The following SAP130 variants were observed in gnomAD, a reference collection of about 807,000 sequenced individuals.
SAP130 encodes the protein Sin3A associated protein 130.
SAP130 carries 16 observed loss-of-function variants against 103.2 expected under a neutral mutation model. The ratio of observed to expected loss-of-function variants is 0.16; its 90% confidence interval spans 0.10 to 0.24. The LOEUF (loss-of-function observed/expected upper bound fraction) is 0.24, where lower values mean the gene tolerates loss of function less well. Ranked by LOEUF, SAP130 falls within the 10% of genes least tolerant of loss-of-function variation. The pLI, the probability that SAP130 is intolerant of heterozygous loss-of-function variation, is 1.00. For synonymous variants in SAP130, 477 were observed against 497.0 expected (o/e 0.96, Z 0.53); for missense variants, 990 against 1,359.7 (o/e 0.73, Z 4.28).
chr2:127,954,668 TTTTCTTAATACTAC>T (rs1389534698), intron 16 of SAP130, among the ~76,000 whole-genome samples: 18 of 152,330 alleles, frequency 1.2e-4, no homozygotes, highest in African/African-American at 4.1e-4. Flanking sequence ...CATAGTAGTA[TTTTCTTAATACTAC>T]TTTCTTAATA....
At chr2:128,008,579 G>A (rs1684147222) in intron 7 of SAP130, among the ~76,000 whole-genome samples, 1 of 149,554 alleles carries the variant, frequency 6.7e-6, no homozygotes, top group African/African-American at 2.5e-5. Context: ...GTATGTTGCT[G>A]GGGCTGGTCT....
In SAP130 at chr2:127,951,677, G is replaced by A. The variant is rs1213752796; in HGVS notation, c.2423-1269C>T. ...GCTTTACTGTGCTCATTTAGCAAAA[G>A]GCCAAGAGGTTAAATCCTGTTCTCC... is the stretch of plus-strand genomic sequence containing the variant. On this transcript the variant is annotated intron_variant, in intron 16 of 20. Transcript: ENST00000643581. Among the ~76,000 whole-genome samples the A allele has an allele frequency of 6.6e-5, 10 of 152,212 alleles. No homozygotes were observed. The East Asian group carries it at 1.2e-3, about 18-fold the overall frequency.
In SAP130 at chr2:127,953,008, C is replaced by A. The variant is rs1679597489; in HGVS notation, c.2422+1978G>T. On this transcript the variant is annotated intron_variant, in intron 16 of 20. Coordinates refer to ENST00000643581, the MANE Select transcript of SAP130 (RefSeq NM_001330301.2). This position sits in a 1 kb window ranked among gnomAD's most constrained non-coding sequence, Gnocchi z 4.0. ...ACTCCCAAATTTGTATCTGCAACTT[C>A]ATTTTCTATTCCAAAAGCCAGCCTC... Among the ~76,000 whole-genome samples the A allele has an allele frequency of 6.6e-6, 1 of 152,218 alleles. No homozygotes were observed. The highest frequency in any genetic ancestry group is 2.1e-4 in the South Asian group (1 of 4,834).
At position 127,999,777 on chromosome 2, in the gene SAP130, G is replaced by A; in HGVS notation, c.1177C>T (p.His393Tyr). 2.0e-6 allele frequency: 3 copies of A among 1,531,966 alleles called. No homozygotes were observed. Among genetic ancestry groups the A allele is most frequent in the Non-Finnish European group, 2.6e-6 (3 of 1,142,936 alleles). 94.9% of individuals were successfully genotyped at this position (1,531,966 alleles called of 1,614,324 possible). A position where few individuals can be genotyped will look rare whatever the true frequency, so the allele number is the denominator to read the frequency against. The change falls in exon 10 of 21, where the codon CAT becomes TAT. Residue 393 changes from histidine to tyrosine, a missense_variant. By Grantham distance (83) the His-to-Tyr change is moderately conservative. Transcript: ENST00000643581. ...TTTGAGGTGGTCACAGCAGTAGCAT[G>A]GGAGGAATGGGAGGGTACTGTCATG... ...VTMTVPSHSS[H>Y]ATAVTTSNIP...
intron 15 of SAP130, among the ~76,000 whole-genome samples, chr2:127,967,675 C>T (rs1177912007): frequency 3.3e-5 from 5 of 152,160 alleles, no homozygotes; most frequent in African/African-American, 4.8e-5. Context: ...GGATTACAGG[C>T]GTGAGCCACT....
At position 127,953,361 on chromosome 2, in the gene SAP130, T is replaced by C. The variant is rs1016947638; in HGVS notation, c.2422+1625A>G. Among the ~76,000 whole-genome samples the C allele has an allele frequency of 1.3e-5, 2 of 152,238 alleles. No individual in the cohort carries two copies. The highest frequency in any genetic ancestry group is 1.5e-5 in the Non-Finnish European group (1 of 68,036). On this transcript the variant is annotated intron_variant, in intron 16 of 20. Coordinates refer to ENST00000643581, the MANE Select transcript of SAP130 (RefSeq NM_001330301.2). The surrounding 1 kb of genome is among the most constrained non-coding windows in gnomAD (Gnocchi z 4.0). The stretch of plus-strand genomic sequence containing the variant: ...AGCCTTCATTGCTCCTGGCAATTAA[T>C]GCAACAGCCGCTTGACAGGTCTCCC...
chr2:128,027,644 C>T (rs1475159455), intron 1 of SAP130, among the ~76,000 whole-genome samples: 1 of 147,388 alleles, frequency 6.8e-6, no homozygotes, highest in African/African-American at 2.5e-5. Context: ...CCCGCCCGCC[C>T]GCGCTCCCCC....
At chr2:128,002,948 G>A (rs559230403) in intron 7 of SAP130, among the ~76,000 whole-genome samples, 40 of 152,062 alleles carry the variant, frequency 2.6e-4, no homozygotes, top group African/African-American at 9.2e-4. Flanking sequence ...GCAACATGGC[G>A]AAATTCCACC....
At position 128,000,308 on chromosome 2, in the gene SAP130, T is replaced by A. The variant is rs369502523; in HGVS notation, c.1016A>T (p.Gln339Leu). The A allele has an allele frequency of 4.3e-6, 7 of 1,614,240 alleles. No individual in the cohort carries two copies. The highest frequency in any genetic ancestry group is 5.9e-6 in the Non-Finnish European group (7 of 1,180,030). The change falls in exon 8 of 21, where the codon CAG (glutamine) becomes CTG (leucine). Residue 339 changes from glutamine (Q) to leucine (L), a missense_variant and splice_region_variant. Physicochemically the swap from Gln to Leu is moderately radical, Grantham distance 113. This residue lies in a region of SAP130 where 336 missense variants were observed against 520.1 expected (regional missense o/e 0.65). Coordinates refer to ENST00000643581, the MANE Select transcript of SAP130 (RefSeq NM_001330301.2). ...GTGGTTCTCCACTTTTGGTTTTACC[T>A]GAGCCATTGTATGAAGCTGCTGTTT... Reference protein sequence around the residue: ...TPKQQLHTMAQKTIFSTGTPV... With the variant: ...TPKQQLHTMALKTIFSTGTPV...
At chr2:127,944,961 A>G (rs986350511) in intron 19 of SAP130, among the ~76,000 whole-genome samples, 2 of 151,604 alleles carry the variant, frequency 1.3e-5, no homozygotes, top group African/African-American at 4.9e-5. Context: ...CCGGTCTCTG[A>G]ATGATGATGT....
In SAP130 at chr2:127,984,855, T is replaced by C. The variant is rs1250958818; in HGVS notation, c.1958+1930A>G. Among the ~76,000 whole-genome samples, 5 of 152,360 alleles carry C rather than the reference T, an allele frequency of 3.3e-5. No homozygotes were observed. The South Asian group carries it at 8.3e-4, about 25-fold the overall frequency. On this transcript the variant is annotated intron_variant, in intron 14 of 20. Transcript: ENST00000643581. The stretch of plus-strand genomic sequence containing the variant: ...AGTCGGGAAGGGGCAGTACACCACA[T>C]GGCATAGGTAGAAAATGGGATTCTG...
At chr2:128,001,587 G>T (rs191634040) in intron 7 of SAP130, among the ~76,000 whole-genome samples, 1 of 152,204 alleles carries the variant, frequency 6.6e-6, no homozygotes, top group Admixed American at 6.5e-5. Flanking sequence ...TATTTTTACT[G>T]TACCTTTTCT....
At chr2:128,014,516 T>C (rs1437413995) in intron 5 of SAP130, among the ~76,000 whole-genome samples, 1 of 152,206 alleles carries the variant, frequency 6.6e-6, no homozygotes, top group Non-Finnish European at 1.5e-5. Flanking sequence ...TTTTGTATTT[T>C]TGTAGAGACA....
At chr2:127,945,806 T>G (rs1679036763) in intron 18 of SAP130, among the ~76,000 whole-genome samples, 1 of 152,106 alleles carries the variant, frequency 6.6e-6, no homozygotes, top group Non-Finnish European at 1.5e-5. Context: ...GTGTGCGCCA[T>G]CATGCTGGGC....
chr2:127,990,344 C>A (rs1194907857), intron 12 of SAP130, among the ~76,000 whole-genome samples: 1 of 151,024 alleles, frequency 6.6e-6, no homozygotes, highest in African/African-American at 2.4e-5. Context: ...GCAAACACCC[C>A]ATCTACTGTG....
At chr2:127,981,648 C>T (rs1398372667) in intron 14 of SAP130, among the ~76,000 whole-genome samples, 1 of 106,480 alleles carries the variant, frequency 9.4e-6, no homozygotes, top group African/African-American at 3.8e-5. Flanking sequence ...ACCCCCGACT[C>T]AGCTCCCCCA....
chr2:128,013,346 T>G (rs537565143), intron 5 of SAP130, among the ~76,000 whole-genome samples, 192 bp from the exon 6 acceptor site: 7 of 152,282 alleles, frequency 4.6e-5, no homozygotes, highest in African/African-American at 1.7e-4. Flanking sequence ...TATTGCCTCT[T>G]CACAGACAAC....
Position 127,950,314 on chromosome 2 carries a change from G to A in SAP130, c.2517C>T (p.Ala839=), listed in dbSNP as rs1394271849. 1 of 1,614,074 alleles carries A rather than the reference G, an allele frequency of 6.2e-7. No individual in the cohort carries two copies. Among genetic ancestry groups the A allele is most frequent in the African/African-American group, 1.3e-5 (1 of 74,934 alleles). ...GCTTTCGAGGCTTTTTCCTTGGGGA[G>A]GCACCAGGTGGTAGGTCACTTGTAG... is the stretch of plus-strand genomic sequence containing the variant. ...SMPTSDLPPG[A]SPRKKPRKQQ... The change falls in exon 17 of 21, where the codon GCC becomes GCT. Residue 839 remains alanine, a synonymous_variant. Coordinates refer to ENST00000643581, the MANE Select transcript of SAP130 (RefSeq NM_001330301.2).
Position 127,950,156 on chromosome 2 carries a change from T to G in SAP130, c.2671+4A>C, listed in dbSNP as rs528829961. On this transcript the variant is annotated splice_donor_region_variant and intron_variant, in intron 17 of 20. Transcript: ENST00000643581. ...CATAACACAAGTCAGCCTGTGACCA[T>G]TACCAATATACTCCTTGGGAGGAGA... 1 of 1,614,204 alleles carries G rather than the reference T, an allele frequency of 6.2e-7. No homozygotes were observed. The highest frequency in any genetic ancestry group is 2.2e-5 in the East Asian group (1 of 44,892).
Sources: gnomAD v4.1 joint callset for allele counts (sites outside exome capture counted in the v4.1 genomes callset) on GRCh38, gnomAD v4.1.1 for gene constraint, gnomAD v4.1.1 regional missense constraint, Gnocchi (gnomAD v3.1) non-coding constraint, MANE v1.5 for transcripts, NCBI Gene and HGNC (gene_info 2026-07-23, HGNC 2026-07-21) for gene names.